The following DNAJC1 variants were observed in gnomAD, a reference collection of about 807,000 sequenced individuals.
DNAJC1 encodes the protein dnaJ homolog subfamily C member 1.
DNAJC1 carries 58 observed loss-of-function variants against 76.6 expected under a neutral mutation model. The observed-to-expected ratio is 0.76, with a 90% confidence interval of 0.61 to 0.94. The LOEUF (loss-of-function observed/expected upper bound fraction) is 0.94. Among genes scored for constraint, DNAJC1 ranks in the 40% least tolerant of loss-of-function variants. DNAJC1 has a pLI of 0.00. For synonymous variants in DNAJC1, 258 were observed against 267.9 expected, an observed-to-expected ratio of 0.96 and a Z score of 0.36; for missense variants, 689 against 677.3, an observed-to-expected ratio of 1.02 and a Z score of -0.19.
At chr10:21,903,194 C>T (rs539616248) in intron 7 of DNAJC1, among the ~76,000 whole-genome samples, 1 of 152,216 alleles carries the variant, frequency 6.6e-6, no homozygotes, top group Non-Finnish European at 1.5e-5. Context: ...GCTGGGATTA[C>T]AGGCGTAAGC....
chr10:21,972,459 AT>A (rs1280701418), intron 1 of DNAJC1, among the ~76,000 whole-genome samples: 3 of 152,062 alleles, frequency 2.0e-5, no homozygotes. Flanking sequence ...ATGCAACAAT[AT>A]AACTTTCTTC....
intron 8 of DNAJC1, among the ~76,000 whole-genome samples, chr10:21,816,693 C>T (rs1447167253): frequency 6.6e-6 from 1 of 150,792 alleles, no homozygotes; most frequent in Non-Finnish European, 1.5e-5. Context: ...CTACAGGCGC[C>T]ACCCACCATG....
Position 21,806,062 on chromosome 10 carries a change from G to C in DNAJC1, c.1016C>G (p.Thr339Arg). The change falls in exon 9 of 12, where the codon ACA becomes AGA. Residue 339 changes from threonine to arginine, a missense_variant. Physicochemically the swap from Thr to Arg is moderately conservative, Grantham distance 71. Transcript: ENST00000376980. The stretch of plus-strand genomic sequence containing the variant: ...TCCTGGGAACTTAACCATACTTCTT[G>C]TCAGTTGGCTGAGGTCCTCTTCTGT... ...EWTEEDLSQLTRSMVKFPGGT... is the reference protein window; with the variant it reads ...EWTEEDLSQLRRSMVKFPGGT... The C allele has an allele frequency of 1.9e-6, 3 of 1,612,144 alleles. No homozygotes were observed. Among genetic ancestry groups the C allele is most frequent in the Non-Finnish European group, 2.5e-6 (3 of 1,179,652 alleles).
chr10:21,960,445 C>T (rs966392200), intron 1 of DNAJC1, among the ~76,000 whole-genome samples: 2 of 152,052 alleles, frequency 1.3e-5, no homozygotes, highest in African/African-American at 2.4e-5. Context: ...CAACTAAGGC[C>T]GGGTGCCTAT....
intron 1 of DNAJC1, among the ~76,000 whole-genome samples, chr10:21,977,638 CA>C (rs1354288723): frequency 6.6e-6 from 1 of 152,050 alleles, no homozygotes; most frequent in Non-Finnish European, 1.5e-5. Flanking sequence ...GCCCAGGCGC[CA>C]ACAGTCAATT....
At chr10:21,855,639 C>T (rs1835822609) in intron 8 of DNAJC1, among the ~76,000 whole-genome samples, 1 of 152,106 alleles carries the variant, frequency 6.6e-6, no homozygotes, top group Admixed American at 6.6e-5. Context: ...CTGGAGACTT[C>T]AGCTGTTATC....
intron 1 of DNAJC1, among the ~76,000 whole-genome samples, chr10:21,967,629 A>G (rs1837914209): frequency 6.6e-6 from 1 of 152,220 alleles, no homozygotes; most frequent in African/African-American, 2.4e-5. Flanking sequence ...CCCTGTAACA[A>G]AGAGATCCTA....
chr10:21,804,124 T>C, intron 9 of DNAJC1: 1 of 252,026 alleles, frequency 4.0e-6, no homozygotes, highest in Non-Finnish European at 6.3e-6. Context: ...CTGTGTATTC[T>C]TGGCATTTAA....
chr10:21,775,454 A>G (rs939353597), intron 9 of DNAJC1, among the ~76,000 whole-genome samples: 3 of 151,596 alleles, frequency 2.0e-5, no homozygotes, highest in African/African-American at 7.3e-5. Flanking sequence ...TGGCATCCTC[A>G]AATGATCATT....
intron 9 of DNAJC1, among the ~76,000 whole-genome samples, chr10:21,799,906 C>T (rs1049772129): frequency 4.6e-5 from 7 of 152,258 alleles, no homozygotes; most frequent in African/African-American, 1.4e-4. Context: ...TTCCCTCATC[C>T]CACAGAATCT....
intron 9 of DNAJC1, among the ~76,000 whole-genome samples, chr10:21,782,232 A>G (rs1355475105): frequency 6.6e-6 from 1 of 152,226 alleles, no homozygotes; most frequent in African/African-American, 2.4e-5. Flanking sequence ...CCAGAGAAAT[A>G]CTAACTACCA....
At chr10:21,916,367 T>C (rs1289724451) in intron 6 of DNAJC1, among the ~76,000 whole-genome samples, 1 of 152,074 alleles carries the variant, frequency 6.6e-6, no homozygotes, top group Non-Finnish European at 1.5e-5. Flanking sequence ...CGGGCGCCTG[T>C]AGTCCCAGCT....
intron 7 of DNAJC1, among the ~76,000 whole-genome samples, chr10:21,899,731 C>A (rs1836614516): frequency 6.6e-6 from 1 of 152,226 alleles, no homozygotes; most frequent in Admixed American, 6.5e-5. Context: ...CCTACTTGAA[C>A]AAGCAGTCCG....
rs1837029315 is a variant in DNAJC1 at position 21,920,773 on chromosome 10, CATTTG to C, written c.537+20_537+24del. On this transcript the variant is annotated intron_variant, in intron 4 of 11. Coordinates refer to ENST00000376980, the MANE Select transcript of DNAJC1 (RefSeq NM_022365.4). ...CCATATAAAATTAAGGAGGCTAGTT[CATTTG>C]ATTTATTACTAACACTTACCAGTTG... 18 of 1,571,024 alleles carry C rather than the reference CATTTG, an allele frequency of 1.1e-5. No homozygotes were observed. Among genetic ancestry groups the C allele is most frequent in the Non-Finnish European group, 1.4e-5 (16 of 1,157,224 alleles).
intron 8 of DNAJC1, among the ~76,000 whole-genome samples, chr10:21,836,411 T>C (rs1426391101): frequency 1.3e-5 from 2 of 152,122 alleles, no homozygotes; most frequent in Non-Finnish European, 2.9e-5. Context: ...AGGAAGAAAC[T>C]GCATCAACTA....
chr10:21,912,291 A>T (rs1249283885), intron 6 of DNAJC1, among the ~76,000 whole-genome samples: 2 of 152,104 alleles, frequency 1.3e-5, no homozygotes, highest in African/African-American at 4.8e-5. Context: ...TTTGAGTCTT[A>T]AGTATTTTCA....
chr10:21,772,586 CT>C lies in DNAJC1; in HGVS notation c.1099-6278del, dbSNP rs950148541. Among the ~76,000 whole-genome samples, 5 of 151,384 alleles carry C rather than the reference CT, an allele frequency of 3.3e-5. No individual in the cohort carries two copies. The East Asian group carries it at 7.8e-4, about 23-fold the overall frequency. ...TTTATATAAGATTGGCAGTAATGTC[CT>C]TTTTTTTGACCCTAGAAATTTGAGT... On this transcript the variant is annotated intron_variant, in intron 9 of 11. Transcript: ENST00000376980.
chr10:21,793,911 C>T (rs192150449), intron 9 of DNAJC1, among the ~76,000 whole-genome samples: 86 of 152,202 alleles, frequency 5.7e-4, no homozygotes, highest in Non-Finnish European at 1.1e-3. Context: ...AGTGGTCACA[C>T]CACTGCATTC....
intron 8 of DNAJC1, among the ~76,000 whole-genome samples, chr10:21,828,712 A>G (rs1032706587): frequency 6.6e-6 from 1 of 152,250 alleles, no homozygotes; most frequent in Admixed American, 6.5e-5. Flanking sequence ...AAGCAAATCT[A>G]AAACATTAGA....
Sources: gnomAD v4.1 joint callset for allele counts (sites outside exome capture counted in the v4.1 genomes callset) on GRCh38, gnomAD v4.1.1 for gene constraint, MANE v1.5 for transcripts, NCBI Gene and HGNC (gene_info 2026-07-23, HGNC 2026-07-21) for gene names.